The following FBXL17 variants were observed in gnomAD, a reference collection of about 807,000 sequenced individuals.
FBXL17 encodes the protein F-box/LRR-repeat protein 17.
In FBXL17, 22 loss-of-function variants were observed where a neutral mutation model predicts 66.2. The observed-to-expected ratio is 0.33, with a 90% confidence interval of 0.24 to 0.47. FBXL17 has a LOEUF of 0.47. FBXL17 is among the 20% of genes least tolerant of loss of function. FBXL17 has a pLI of 1.00. For missense variants in FBXL17, 878 were observed against 948.2 expected (o/e 0.93, Z 0.97); for synonymous variants, 474 against 400.5 (o/e 1.18, Z -2.19).
At chr5:107,982,564 T>C (rs190874474) in intron 7 of FBXL17, among the ~76,000 whole-genome samples, 59 of 152,324 alleles carry the variant, frequency 3.9e-4, no homozygotes, top group Admixed American at 1.4e-3. Flanking sequence ...AACCATTTGC[T>C]AAAGGTGCTG....
At chr5:108,061,508 T>A (rs1429917674) in intron 6 of FBXL17, among the ~76,000 whole-genome samples, 2 of 152,094 alleles carry the variant, frequency 1.3e-5, no homozygotes, top group Admixed American at 6.5e-5. Flanking sequence ...TCTCTGGCCC[T>A]CTCAACCACA....
chr5:107,888,909 T>C (rs144911899), intron 7 of FBXL17, among the ~76,000 whole-genome samples: 22 of 152,332 alleles, frequency 1.4e-4, no homozygotes, highest in Non-Finnish European at 8.8e-5. Context: ...TTAAAAAAAC[T>C]GCTAAAGTGT....
chr5:108,277,879 A>G (rs1674317815), intron 4 of FBXL17, among the ~76,000 whole-genome samples: 1 of 152,214 alleles, frequency 6.6e-6, no homozygotes, highest in African/African-American at 2.4e-5. Context: ...AAAAATGTAT[A>G]TACCTTAACT....
intron 7 of FBXL17, among the ~76,000 whole-genome samples, chr5:107,990,934 A>T (rs1753216634): frequency 1.3e-5 from 2 of 152,192 alleles, no homozygotes; most frequent in South Asian, 4.1e-4. Context: ...TTATCCTTAT[A>T]ACAAACATCG....
intron 7 of FBXL17, among the ~76,000 whole-genome samples, chr5:107,931,983 T>G (rs1750752380): frequency 6.6e-6 from 1 of 152,182 alleles, no homozygotes; most frequent in South Asian, 2.1e-4. Context: ...AAGTACAGAT[T>G]CCTGAATCCC....
intron 6 of FBXL17, among the ~76,000 whole-genome samples, chr5:108,087,826 G>C (rs924240779): frequency 2.6e-5 from 4 of 152,068 alleles, no homozygotes; most frequent in African/African-American, 9.7e-5. Context: ...ATGTTGGTGA[G>C]GCAGAAAGGC....
At chr5:107,961,537 T>A (rs1480337491) in intron 7 of FBXL17, among the ~76,000 whole-genome samples, 3 of 152,120 alleles carry the variant, frequency 2.0e-5, no homozygotes, top group Non-Finnish European at 4.4e-5. Flanking sequence ...AGGCAACTTC[T>A]GATTAACCAA....
At chr5:107,923,623 A>G (rs1307179703) in intron 7 of FBXL17, among the ~76,000 whole-genome samples, 1 of 152,144 alleles carries the variant, frequency 6.6e-6, no homozygotes, top group East Asian at 1.9e-4. Context: ...GCTCCTTTTT[A>G]AAGCTTATAT....
chr5:107,976,766 C>G (rs548692887), intron 7 of FBXL17, among the ~76,000 whole-genome samples: 1 of 152,150 alleles, frequency 6.6e-6, no homozygotes, highest in South Asian at 2.1e-4. Flanking sequence ...AAAGAAAAGA[C>G]AATAACATAT....
chr5:108,281,049 A>T (rs910738309), intron 4 of FBXL17, among the ~76,000 whole-genome samples: 3 of 151,914 alleles, frequency 2.0e-5, no homozygotes, highest in African/African-American at 7.2e-5. Flanking sequence ...CTAAAGAGAG[A>T]GACAGATAGC....
chr5:108,355,062 T>C (rs893787294), intron 3 of FBXL17, among the ~76,000 whole-genome samples: 1 of 151,866 alleles, frequency 6.6e-6, no homozygotes, highest in Admixed American at 6.6e-5. Flanking sequence ...GGTCAAAAAC[T>C]TGGATCAATA....
chr5:108,050,351 C>T (rs1000585032), intron 6 of FBXL17, among the ~76,000 whole-genome samples: 7 of 152,130 alleles, frequency 4.6e-5, no homozygotes, highest in African/African-American at 7.2e-5. Context: ...GAACTGAAAT[C>T]ATAACAAACA....
chr5:108,101,678 A>G (rs1365392219), intron 6 of FBXL17, among the ~76,000 whole-genome samples: 1 of 152,266 alleles, frequency 6.6e-6, no homozygotes, highest in East Asian at 1.9e-4. Context: ...ACTTTGTGAT[A>G]GTAATTTCCC....
Position 108,030,231 on chromosome 5 carries a change from A to G in FBXL17, c.1746-9230T>C, listed in dbSNP as rs1241351567. ...CCAGGTTGCTCTGCATGGATTAGTCACCAGTCTATTCCCTCTGAAGAGAAA... is the reference window on the plus strand; with the variant it reads ...CCAGGTTGCTCTGCATGGATTAGTCGCCAGTCTATTCCCTCTGAAGAGAAA... On this transcript the variant is annotated intron_variant, in intron 6 of 8. Coordinates refer to ENST00000542267, the MANE Select transcript of FBXL17 (RefSeq NM_001163315.3). Among the ~76,000 whole-genome samples the G allele has an allele frequency of 3.3e-5, 5 of 152,246 alleles. No homozygotes were observed. The East Asian group carries it at 9.7e-4, about 29-fold the overall frequency.
chr5:108,309,808 T>C (rs1254804854), intron 4 of FBXL17, among the ~76,000 whole-genome samples: 1 of 152,088 alleles, frequency 6.6e-6, no homozygotes, highest in African/African-American at 2.4e-5. Flanking sequence ...CTTTACTGTG[T>C]TTTCCAAGGT....
chr5:107,891,169 T>C lies in FBXL17; in HGVS notation c.1823-9990A>G, dbSNP rs1223515797. On this transcript the variant is annotated intron_variant, in intron 7 of 8. Coordinates refer to ENST00000542267, the MANE Select transcript of FBXL17 (RefSeq NM_001163315.3). Reference sequence around the variant, plus strand: ...GGGGAGTAATCCATAAAGATATCCATGGGAAAGGCTTTCCATGCAGAGAAA... The same window carrying C: ...GGGGAGTAATCCATAAAGATATCCACGGGAAAGGCTTTCCATGCAGAGAAA... Among the ~76,000 whole-genome samples, 6 of 152,006 alleles carry C rather than the reference T, an allele frequency of 3.9e-5. No individual in the cohort carries two copies. The East Asian group carries it at 1.2e-3, about 29-fold the overall frequency.
intron 5 of FBXL17, among the ~76,000 whole-genome samples, chr5:108,191,842 G>A (rs1334134024): frequency 6.6e-6 from 1 of 152,098 alleles, no homozygotes; most frequent in African/African-American, 2.4e-5. Context: ...TGAAGAAACA[G>A]GTTTACTTGA....
At chr5:107,872,126 C>T (rs188459384) in intron 8 of FBXL17, among the ~76,000 whole-genome samples, 14 of 152,284 alleles carry the variant, frequency 9.2e-5, no homozygotes, top group Non-Finnish European at 1.3e-4. Context: ...TTAATGTGAT[C>T]GGTAAATCCG....
rs149268116 is a variant in FBXL17 at position 108,271,602 on chromosome 5, T to C, written c.1507-47374A>G. Among the ~76,000 whole-genome samples the C allele has an allele frequency of 4.5e-4, 69 of 152,338 alleles. No homozygotes were observed. The East Asian group carries it at 6.7e-3, about 15-fold the overall frequency. Reference sequence around the variant, plus strand: ...TCTTGAGAACATACTGGTGGATTAATACATGTTTATGAGTTGGGAAATACC... The same window carrying C: ...TCTTGAGAACATACTGGTGGATTAACACATGTTTATGAGTTGGGAAATACC... On this transcript the variant is annotated intron_variant, in intron 4 of 8. Transcript: ENST00000542267.
Sources: allele counts gnomAD v4.1 joint callset (sites outside exome capture counted in the v4.1 genomes callset), GRCh38; gene constraint gnomAD v4.1.1; transcripts MANE v1.5; gene names NCBI Gene and HGNC (gene_info 2026-07-23, HGNC 2026-07-21).